The following GALNT10 variants were observed in gnomAD, a reference collection of about 807,000 sequenced individuals.
GALNT10 encodes polypeptide N-acetylgalactosaminyltransferase 10.
Under a neutral mutation model 75.0 loss-of-function variants are expected in GALNT10, and 41 were observed. The ratio of observed to expected loss-of-function variants is 0.55; its 90% CI spans 0.43 to 0.71. The LOEUF is 0.71. Ranked by LOEUF, GALNT10 falls within the 30% of genes least tolerant of loss-of-function variation. The pLI is 0.00. For synonymous variants in GALNT10, 302 were observed against 313.0 expected (o/e 0.96, Z 0.37); for missense variants, 727 against 818.5 (o/e 0.89, Z 1.36).
At chr5:154,211,283 C>CA (rs906028883) in intron 1 of GALNT10, among the ~76,000 whole-genome samples, 12 of 152,112 alleles carry the variant, frequency 7.9e-5, no homozygotes, top group Non-Finnish European at 1.0e-4. Flanking sequence ...GGAGCCCCCA[C>CA]TATGGACTCT....
intron 4 of GALNT10, among the ~76,000 whole-genome samples, chr5:154,356,569 T>C (rs1196303307): frequency 6.6e-6 from 1 of 152,220 alleles, no homozygotes; most frequent in Non-Finnish European, 1.5e-5. Context: ...TTTTTTCCTT[T>C]TTTCAATAGT....
chr5:154,360,229 C>T (rs1283062205), intron 4 of GALNT10, among the ~76,000 whole-genome samples: 1 of 152,102 alleles, frequency 6.6e-6, no homozygotes, highest in African/African-American at 2.4e-5. Flanking sequence ...GCAGGCGGAT[C>T]ACTTGAGGTC....
At chr5:154,256,126 G>A (rs1292630822) in intron 1 of GALNT10, among the ~76,000 whole-genome samples, 1 of 152,080 alleles carries the variant, frequency 6.6e-6, no homozygotes, top group Non-Finnish European at 1.5e-5. Flanking sequence ...CTTTGGGTAT[G>A]CCACTTGAAT....
At position 154,412,620 on chromosome 5, in the gene GALNT10, C is replaced by T; in HGVS notation, c.1387-269C>T. The T allele has an allele frequency of 2.7e-6, 1 of 364,280 alleles. No homozygotes were observed. Among genetic ancestry groups the T allele is most frequent in the East Asian group, 7.3e-5 (1 of 13,752 alleles). 22.6% of individuals were successfully genotyped at this position (364,280 alleles called of 1,614,324 possible). On this transcript the variant is annotated intron_variant, in intron 9 of 11. Coordinates refer to ENST00000297107, the MANE Select transcript of GALNT10 (RefSeq NM_198321.4). This position sits in a 1 kb window ranked among gnomAD's most constrained non-coding sequence, Gnocchi z 4.2. Reference sequence around the variant, plus strand: ...GCCAGGGAGTCCTTTACCAACTCCTCACCTCCACTCCCCCACCACCAACCC... The same window carrying T: ...GCCAGGGAGTCCTTTACCAACTCCTTACCTCCACTCCCCCACCACCAACCC...
At position 154,218,044 on chromosome 5, in the gene GALNT10, C is replaced by A. The variant is rs147603554; in HGVS notation, c.159+27019C>A. On this transcript the variant is annotated intron_variant, in intron 1 of 11. Transcript: ENST00000297107. ...CTCCTGCCAGCTCGCTTCCCCACCCCAGCCTGGGCACTGCTGTTCGACTGA... is the reference window on the plus strand; with the variant it reads ...CTCCTGCCAGCTCGCTTCCCCACCCAAGCCTGGGCACTGCTGTTCGACTGA... 13 of 985,162 alleles carry A rather than the reference C, an allele frequency of 1.3e-5. No homozygotes were observed. The East Asian group carries it at 1.4e-3, about 103-fold the overall frequency. 61.0% of individuals were successfully genotyped at this position (985,162 alleles called of 1,614,324 possible).
At chr5:154,280,941 T>C (rs1754030807) in intron 1 of GALNT10, among the ~76,000 whole-genome samples, 1 of 152,258 alleles carries the variant, frequency 6.6e-6, no homozygotes, top group South Asian at 2.1e-4. Flanking sequence ...ATGCATATAG[T>C]TATGAGCTGT....
In GALNT10 at chr5:154,329,603, C is replaced by G. The variant is rs767143079; in HGVS notation, c.433C>G (p.Pro145Ala). ...CAGCAAGCGCTACCTGGAGACACTT[C>G]CCAACACAAGCATCATCATCCCCTT... The part of the protein sequence containing the change: ...CNSKRYLETL[P>A]NTSIIIPFHN... The change falls in exon 4 of 12, where the codon CCC becomes GCC. Residue 145 changes from proline to alanine, a missense_variant. Pro to Ala is a conservative substitution (Grantham distance 27). Coordinates refer to ENST00000297107, the MANE Select transcript of GALNT10 (RefSeq NM_198321.4). 1 of 1,613,986 alleles carries G rather than the reference C, an allele frequency of 6.2e-7. No homozygotes were observed.
chr5:154,311,708 G>A (rs1044673440), intron 3 of GALNT10, among the ~76,000 whole-genome samples: 1 of 151,874 alleles, frequency 6.6e-6, no homozygotes, highest in Non-Finnish European at 1.5e-5. Flanking sequence ...GCCATTCAGG[G>A]TGAAGCAATT....
chr5:154,317,396 C>G (rs935907160), intron 3 of GALNT10, among the ~76,000 whole-genome samples: 2 of 152,136 alleles, frequency 1.3e-5, no homozygotes, highest in East Asian at 3.9e-4. Context: ...GATGGTACAT[C>G]TTAGTATATT....
chr5:154,204,686 C>T (rs1453282270), intron 1 of GALNT10, among the ~76,000 whole-genome samples: 1 of 152,174 alleles, frequency 6.6e-6, no homozygotes, highest in Non-Finnish European at 1.5e-5. Flanking sequence ...ACTGGTTCCT[C>T]CTCATCTTTT....
At chr5:154,207,133 T>C (rs1467077510) in intron 1 of GALNT10, among the ~76,000 whole-genome samples, 2 of 152,232 alleles carry the variant, frequency 1.3e-5, no homozygotes, top group Non-Finnish European at 2.9e-5. Flanking sequence ...CCCAATAACA[T>C]ACTCACTCTA....
At chr5:154,253,706 CTTTTTTTTTTT>C (rs33933907) in intron 1 of GALNT10, among the ~76,000 whole-genome samples, 3 of 72,660 alleles carry the variant, frequency 4.1e-5, no homozygotes, top group South Asian at 5.6e-4. Flanking sequence ...AAAGCCTCCT[CTTTTTTTTTTT>C]TTTTTTTTTT....
At chr5:154,325,726 T>C (rs989672203) in intron 3 of GALNT10, among the ~76,000 whole-genome samples, 4 of 151,980 alleles carry the variant, frequency 2.6e-5, no homozygotes, top group African/African-American at 9.7e-5. Flanking sequence ...TGCTCCAAGC[T>C]GATAAAGTGC....
chr5:154,205,129 G>A (rs1336410961), intron 1 of GALNT10, among the ~76,000 whole-genome samples: 1 of 152,208 alleles, frequency 6.6e-6, no homozygotes, highest in East Asian at 1.9e-4. Context: ...AAGGGGCTGT[G>A]TTCTCATAGT....
At chr5:154,365,425 A>G (rs893533028) in intron 4 of GALNT10, among the ~76,000 whole-genome samples, 6 of 152,180 alleles carry the variant, frequency 3.9e-5, no homozygotes, top group Admixed American at 1.3e-4. Context: ...TAAACTTAAC[A>G]TGTTAATCTA....
intron 1 of GALNT10, chr5:154,219,329 G>A (rs924256535): frequency 1.3e-5 from 2 of 152,824 alleles, no homozygotes; most frequent in Non-Finnish European, 2.9e-5. Context: ...TTCCTGTGGT[G>A]TCCTGTGCTT....
chr5:154,323,767 C>T (rs942987952), intron 3 of GALNT10, among the ~76,000 whole-genome samples: 4 of 151,982 alleles, frequency 2.6e-5, no homozygotes, highest in African/African-American at 7.3e-5. Context: ...TGAACATTAT[C>T]TGAAATCCTG....
At chr5:154,356,193 G>GCATACGC (rs1755287566) in intron 4 of GALNT10, 1 of 456,328 alleles carries the variant, frequency 2.2e-6, no homozygotes, top group Non-Finnish European at 4.4e-6. Flanking sequence ...TTGTGTGCTA[G>GCATACGC]AGACCCTTCA....
intron 1 of GALNT10, among the ~76,000 whole-genome samples, chr5:154,241,616 CT>C (rs1212224640): frequency 1.3e-5 from 2 of 151,782 alleles, no homozygotes; most frequent in African/African-American, 2.4e-5. Context: ...TAAAACCAAG[CT>C]TTTTTTCACT....
Sources: allele counts gnomAD v4.1 joint callset (sites outside exome capture counted in the v4.1 genomes callset), GRCh38; gene constraint gnomAD v4.1.1; non-coding constraint Gnocchi (gnomAD v3.1); transcripts MANE v1.5; gene names NCBI Gene and HGNC (gene_info 2026-07-23, HGNC 2026-07-21).